The following FHIT variants were observed in gnomAD, a reference collection of about 807,000 sequenced individuals.
FHIT encodes the protein fragile histidine triad diadenosine triphosphatase.
A neutral mutation model predicts 17.9 loss-of-function variants in FHIT; 19 were observed. That is an observed-to-expected ratio of 1.06 (90% CI 0.74 to 1.56). The LOEUF (loss-of-function observed/expected upper bound fraction) is 1.56. Ranked by LOEUF, FHIT falls within the 40% of genes most tolerant of loss-of-function variation. The probability of loss-of-function intolerance (pLI) is 0.00; values close to 1 mark genes in which losing one functional copy is unlikely to be tolerated. For synonymous variants in FHIT, 81 were observed against 69.7 expected (o/e 1.16, Z -0.81); for missense variants, 248 against 189.2 (o/e 1.31, Z -1.82).
At chr3:60,448,044 G>A (rs1257691690) in intron 5 of FHIT, among the ~76,000 whole-genome samples, 2 of 152,148 alleles carry the variant, frequency 1.3e-5, no homozygotes, top group East Asian at 3.9e-4. Context: ...GAATTCAGGG[G>A]CCCTCTATTA....
intron 4 of FHIT, among the ~76,000 whole-genome samples, chr3:60,580,294 C>T (rs1332192997): frequency 1.3e-5 from 2 of 152,110 alleles, no homozygotes; most frequent in African/African-American, 2.4e-5. Flanking sequence ...CCAAGTACTA[C>T]ATGCCCTGTT....
chr3:60,447,329 C>CT (rs1235376220), intron 5 of FHIT, among the ~76,000 whole-genome samples: 2 of 152,070 alleles, frequency 1.3e-5, no homozygotes, highest in African/African-American at 4.8e-5. Context: ...AATATAATTA[C>CT]TTCCCCAAGA....
intron 5 of FHIT, among the ~76,000 whole-genome samples, chr3:60,531,274 CTTTTT>C (rs5741620): frequency 4.8e-5 from 4 of 83,132 alleles, no homozygotes; most frequent in African/African-American, 1.9e-4. Flanking sequence ...GAAAAGAACT[CTTTTT>C]TTTTTTTTTT....
intron 4 of FHIT, among the ~76,000 whole-genome samples, chr3:60,682,671 T>C (rs1265544435): frequency 6.6e-6 from 1 of 152,188 alleles, no homozygotes; most frequent in African/African-American, 2.4e-5. Context: ...CTGATGGAGA[T>C]GTAAAAGGAA....
intron 3 of FHIT, among the ~76,000 whole-genome samples, chr3:61,034,042 T>G (rs2033129667): frequency 6.6e-6 from 1 of 152,220 alleles, no homozygotes; most frequent in Admixed American, 6.5e-5. Flanking sequence ...CAAATTGTGC[T>G]GGAACAACTG....
intron 5 of FHIT, among the ~76,000 whole-genome samples, chr3:60,384,504 C>T (rs904096910): frequency 4.6e-5 from 7 of 152,124 alleles, no homozygotes; most frequent in African/African-American, 1.7e-4. Flanking sequence ...CTCTCACACA[C>T]ACTCCAGGAA....
At chr3:60,342,335 G>T (rs1710563822) in intron 5 of FHIT, among the ~76,000 whole-genome samples, 3 of 152,220 alleles carry the variant, frequency 2.0e-5, no homozygotes, top group South Asian at 4.1e-4. Context: ...TGAATAGACT[G>T]CTAGGTTCCA....
intron 4 of FHIT, among the ~76,000 whole-genome samples, chr3:60,543,187 A>T (rs1203292793): frequency 6.6e-6 from 1 of 152,232 alleles, no homozygotes; most frequent in African/African-American, 2.4e-5. Flanking sequence ...GCATGAAAGC[A>T]GTATGAGTAG....
At chr3:60,040,000 A>G (rs1226537234) in intron 5 of FHIT, among the ~76,000 whole-genome samples, 4 of 152,226 alleles carry the variant, frequency 2.6e-5, no homozygotes, top group African/African-American at 9.6e-5. Flanking sequence ...ATGATATGGT[A>G]TGGAAATACA....
intron 5 of FHIT, among the ~76,000 whole-genome samples, chr3:60,015,039 A>G (rs752049283): frequency 9.9e-5 from 15 of 151,254 alleles, no homozygotes; most frequent in African/African-American, 7.4e-5. Flanking sequence ...CACTATATAT[A>G]TAAATATTTG....
In FHIT at chr3:60,931,937, A is replaced by G. The variant is rs115592569; in HGVS notation, c.-110-109926T>C. On this transcript the variant is annotated intron_variant, in intron 3 of 9. Coordinates refer to ENST00000492590, the MANE Select transcript of FHIT (RefSeq NM_002012.4). ...GTGAAAAATTCTGTGGATTTTTACC[A>G]GAGCACAAGGGTGTGATATGCACAA... 2.6e-5 allele frequency among the ~76,000 whole-genome samples: 4 copies of G among 152,344 alleles called. No individual in the cohort carries two copies. In the East Asian group the frequency reaches 7.7e-4, roughly 29 times the overall value.
chr3:61,120,729 T>C (rs1417227320), intron 2 of FHIT, among the ~76,000 whole-genome samples: 2 of 151,932 alleles, frequency 1.3e-5, no homozygotes, highest in Admixed American at 1.3e-4. Flanking sequence ...GGAACAAAAC[T>C]GGACCAAGAA....
intron 2 of FHIT, among the ~76,000 whole-genome samples, chr3:61,058,818 T>C (rs1439855467): frequency 6.6e-6 from 1 of 152,176 alleles, no homozygotes; most frequent in Non-Finnish European, 1.5e-5. Context: ...ACATGGTAGG[T>C]ACCATTATTG....
At chr3:60,167,937 T>C (rs1003349417) in intron 5 of FHIT, among the ~76,000 whole-genome samples, 11 of 152,042 alleles carry the variant, frequency 7.2e-5, no homozygotes, top group African/African-American at 2.7e-4. Flanking sequence ...AGGGGGAAGA[T>C]GGGCTGAGCC....
At chr3:59,988,915 C>G (rs1709105387) in intron 7 of FHIT, among the ~76,000 whole-genome samples, 1 of 152,106 alleles carries the variant, frequency 6.6e-6, no homozygotes, top group Non-Finnish European at 1.5e-5. Flanking sequence ...TACTCTAAGA[C>G]AGATTCTCCC....
chr3:59,749,749 G>A (rs561232998), intron 9 of FHIT, 170 bp from the exon 10 acceptor site: 7 of 228,438 alleles, frequency 3.1e-5, no homozygotes, highest in East Asian at 6.2e-5. Flanking sequence ...CTATATTTCT[G>A]TCCAGAACCC....
chr3:60,936,286 T>G (rs963179889), intron 3 of FHIT, among the ~76,000 whole-genome samples: 5 of 152,218 alleles, frequency 3.3e-5, no homozygotes, highest in Non-Finnish European at 2.9e-5. Flanking sequence ...TCATCATTCA[T>G]TTACTATCCA....
intron 7 of FHIT, 65 bp from the exon 8 acceptor site, chr3:59,922,479 G>A: frequency 7.3e-7 from 1 of 1,377,726 alleles, no homozygotes; most frequent in Non-Finnish European, 1.0e-6. Flanking sequence ...ACTTGACAGT[G>A]ATGCTCTCAT....
At chr3:60,440,776 A>G (rs909541784) in intron 5 of FHIT, among the ~76,000 whole-genome samples, 4 of 152,190 alleles carry the variant, frequency 2.6e-5, no homozygotes, top group South Asian at 4.1e-4. Flanking sequence ...TCATTTCAGT[A>G]TATTTTTAAT....
Sources: gnomAD v4.1 joint callset for allele counts (sites outside exome capture counted in the v4.1 genomes callset) on GRCh38, gnomAD v4.1.1 for gene constraint, MANE v1.5 for transcripts, NCBI Gene and HGNC (gene_info 2026-07-23, HGNC 2026-07-21) for gene names.